Variants in TBL1X observed in about 807,000 individuals in gnomAD.
The protein encoded by TBL1X is transducin beta like 1 X-linked.
TBL1X carries 10 observed loss-of-function variants against 50.7 expected under a neutral mutation model. The ratio of observed to expected loss-of-function variants is 0.20; its 90% CI spans 0.12 to 0.33. TBL1X has a LOEUF of 0.33. TBL1X is among the 10% of genes least tolerant of loss of function. TBL1X has a pLI of 1.00. For missense variants in TBL1X, 340 were observed against 504.4 expected (o/e 0.67, Z 3.12); for synonymous variants, 190 against 214.7 (o/e 0.88, Z 1.01).
intron 2 of TBL1X, among the ~76,000 whole-genome samples, chrX:9,553,024 T>A (rs1402979631): frequency 9.0e-6 from 1 of 111,090 alleles, no homozygotes; most frequent in Non-Finnish European, 1.9e-5. Flanking sequence ...GTGCCTGTAG[T>A]CCCAGCTACT....
intron 3 of TBL1X, chrX:9,644,644 TTTTTC>T (rs1465098447): frequency 9.5e-6 from 1 of 105,684 alleles, no homozygotes; most frequent in African/African-American, 3.5e-5. Flanking sequence ...TCATGGGGAT[TTTTTC>T]TTTTCTTTTC....
chrX:9,464,828 C>A (rs963590696), upstream of TBL1X, among the ~76,000 whole-genome samples: 24 of 110,496 alleles, frequency 2.2e-4, no homozygotes, highest in African/African-American at 7.9e-4. Flanking sequence ...GGACGCTGGT[C>A]CCCCGACCGT....
intron 5 of TBL1X, among the ~76,000 whole-genome samples, chrX:9,660,765 A>C (rs981880570): frequency 6.2e-5 from 7 of 112,483 alleles, no homozygotes; most frequent in African/African-American, 2.3e-4. Flanking sequence ...AGAAGTAGGC[A>C]TGCTTCTTTT....
intron 2 of TBL1X, among the ~76,000 whole-genome samples, chrX:9,510,071 A>G (rs914210480): frequency 3.6e-5 from 4 of 111,355 alleles, no homozygotes; most frequent in African/African-American, 1.3e-4. Flanking sequence ...ACCACACCCT[A>G]ACATTCTCCT....
intron 2 of TBL1X, among the ~76,000 whole-genome samples, chrX:9,552,802 T>G (rs920981318): frequency 1.8e-5 from 2 of 111,864 alleles, no homozygotes; most frequent in Non-Finnish European, 3.8e-5. Flanking sequence ...CTGGAACCTG[T>G]GAATAGGTCA....
chrX:9,664,262 A>G (rs1377413038), intron 5 of TBL1X, among the ~76,000 whole-genome samples: 3 of 112,564 alleles, frequency 2.7e-5, no homozygotes, highest in Non-Finnish European at 3.8e-5. Flanking sequence ...CAATGTTTCT[A>G]TTGTCTGCAA....
chrX:9,676,613 AC>A (rs1252595373), intron 5 of TBL1X, among the ~76,000 whole-genome samples: 1 of 111,985 alleles, frequency 8.9e-6, no homozygotes, highest in African/African-American at 3.3e-5. Context: ...GCTTCATTTT[AC>A]GCTAAATTCC....
At chrX:9,665,518 T>TATATATATATATATATATATAA (rs1163038443) in intron 5 of TBL1X, among the ~76,000 whole-genome samples, 1 of 54,412 alleles carries the variant, frequency 1.8e-5, no homozygotes. Context: ...TATATATATA[T>TATATATATATATATATATATAA]ATATATATAT....
chrX:9,627,442 A>G (rs959436302), intron 2 of TBL1X, among the ~76,000 whole-genome samples: 1 of 112,330 alleles, frequency 8.9e-6, no homozygotes, highest in African/African-American at 3.2e-5. Context: ...TGGACTAACT[A>G]TAGCCAAGAC....
chrX:9,600,477 G>A (rs868670921), intron 2 of TBL1X, among the ~76,000 whole-genome samples: 4 of 77,081 alleles, frequency 5.2e-5, no homozygotes, highest in African/African-American at 4.9e-5. Context: ...GGCGGGGGGG[G>A]GGGTACACAA....
chrX:9,463,664 G>A (rs2081749910), upstream of TBL1X, among the ~76,000 whole-genome samples: 1 of 112,331 alleles, frequency 8.9e-6, no homozygotes, highest in Non-Finnish European at 1.9e-5. Context: ...GGCCGAGGCC[G>A]GCGGATTGCC....
chrX:9,635,761 C>A (rs2082743278), intron 2 of TBL1X, among the ~76,000 whole-genome samples: 1 of 112,082 alleles, frequency 8.9e-6, no homozygotes, highest in Admixed American at 9.4e-5. Context: ...GCTTGGCCTC[C>A]CTCCGCCCAT....
chrX:9,695,821 A>G (rs953733045), intron 11 of TBL1X, among the ~76,000 whole-genome samples: 10 of 112,034 alleles, frequency 8.9e-5, no homozygotes, highest in Non-Finnish European at 1.9e-5. Flanking sequence ...CCTCCTTCCT[A>G]CCTGGAGACT....
At chrX:9,542,071 T>C (rs1366773587) in intron 2 of TBL1X, among the ~76,000 whole-genome samples, 1 of 110,897 alleles carries the variant, frequency 9.0e-6, no homozygotes. Context: ...TCATTGCCAT[T>C]GTTGTAGCGA....
At position 9,469,921 on chromosome X, in the gene TBL1X, C is replaced by T. The variant is rs1033014763; in HGVS notation, c.-201+4474C>T. Reference sequence around the variant, plus strand: ...CACCTTTGCCTCCTCTCTCTGATGACACATGAACTTCATGCCTTTGTGTGC... The same window carrying T: ...CACCTTTGCCTCCTCTCTCTGATGATACATGAACTTCATGCCTTTGTGTGC... On this transcript the variant is annotated intron_variant, in intron 1 of 17. Coordinates refer to ENST00000645353, the MANE Select transcript of TBL1X (RefSeq NM_005647.4). 6.2e-5 allele frequency among the ~76,000 whole-genome samples: 7 copies of T among 112,720 alleles called. 1 individual carries two copies. In the Admixed American group the frequency reaches 6.5e-4, roughly 11 times the overall value.
At chrX:9,474,094 T>G in intron 1 of TBL1X, among the ~76,000 whole-genome samples, 1 of 112,806 alleles carries the variant, frequency 8.9e-6, no homozygotes, top group Non-Finnish European at 1.9e-5. Context: ...CTCTGGCAGG[T>G]GCACAGCAAG....
rs2146658158 is a variant in TBL1X at position 9,709,832 on chromosome X, T to C, written c.1439+72T>C. Reference sequence around the variant, plus strand: ...CAACAGGAAATTCTGCTAAAGCGCGTCCATGCACGTGTGTTGAAGCCCTTC... The same window carrying C: ...CAACAGGAAATTCTGCTAAAGCGCGCCCATGCACGTGTGTTGAAGCCCTTC... On this transcript the variant is annotated intron_variant, in intron 15 of 17. Transcript: ENST00000645353. 2.6e-6 allele frequency: 3 copies of C among 1,152,584 alleles called. No individual in the cohort carries two copies. The East Asian group carries it at 9.4e-5, about 36-fold the overall frequency. The allele number at this position is 1,152,584 out of a possible 1,213,427, so 95.0% of individuals were successfully genotyped here. A position where few individuals can be genotyped will look rare whatever the true frequency, so the allele number is the denominator to read the frequency against.
At chrX:9,551,663 C>T (rs1279948462) in intron 2 of TBL1X, among the ~76,000 whole-genome samples, 5 of 111,314 alleles carry the variant, frequency 4.5e-5, no homozygotes, top group African/African-American at 1.6e-4. Context: ...TGTGTTGGCC[C>T]ATGGGTGTTT....
At chrX:9,572,702 A>G (rs1397838422) in intron 2 of TBL1X, among the ~76,000 whole-genome samples, 1 of 112,709 alleles carries the variant, frequency 8.9e-6, no homozygotes, top group African/African-American at 3.2e-5. Context: ...AATAGTCAAA[A>G]TGGACTTCTG....
Sources: allele counts gnomAD v4.1 joint callset (sites outside exome capture counted in the v4.1 genomes callset), GRCh38; gene constraint gnomAD v4.1.1; transcripts MANE v1.5; gene names NCBI Gene and HGNC (gene_info 2026-07-23, HGNC 2026-07-21).